PRKCA: variants seen among roughly 807,000 people sequenced by gnomAD.
The protein encoded by PRKCA is protein kinase C alpha, also known as protein kinase C alpha type.
A neutral mutation model predicts 87.0 loss-of-function variants in PRKCA; 27 were observed. That is an observed-to-expected ratio of 0.31 (90% CI 0.23 to 0.43). The LOEUF is 0.43. PRKCA is among the 20% of genes least tolerant of loss of function. The pLI, the probability that PRKCA is intolerant of heterozygous loss-of-function variation, is 1.00. For missense variants in PRKCA, 518 were observed against 852.3 expected, an observed-to-expected ratio of 0.61 and a Z score of 4.88; for synonymous variants, 329 against 311.1, an observed-to-expected ratio of 1.06 and a Z score of -0.61.
At position 66,731,351 on chromosome 17, in the gene PRKCA, G is replaced by GAAAAAAAAA. The variant is rs5821509; in HGVS notation, c.919-1326_919-1318dup. Among the ~76,000 whole-genome samples the GAAAAAAAAA allele has an allele frequency of 4.0e-3, 445 of 112,376 alleles. 10 individuals are homozygous for GAAAAAAAAA. Among genetic ancestry groups the GAAAAAAAAA allele is most frequent in the African/African-American group, 0.015 (411 of 26,536 alleles). 73.7% of individuals were successfully genotyped at this position (112,376 alleles called of 152,430 possible). A position where few individuals can be genotyped will look rare whatever the true frequency, so the allele number is the denominator to read the frequency against. On this transcript the variant is annotated intron_variant, in intron 8 of 16. Transcript: ENST00000413366. ...GCAACAAGAGCAAAACTCCGTCTCA[G>GAAAAAAAAA]AAAAAAAAAAAAAAAAAAAGAATGT... is the stretch of plus-strand genomic sequence containing the variant.
At chr17:66,768,794 G>A (rs1243494350) in intron 13 of PRKCA, among the ~76,000 whole-genome samples, 1 of 152,208 alleles carries the variant, frequency 6.6e-6, no homozygotes, top group African/African-American at 2.4e-5. Context: ...CCCCCAACAG[G>A]TGGGGATTGC....
At chr17:66,561,357 A>G (rs998159037) in intron 3 of PRKCA, among the ~76,000 whole-genome samples, 3 of 152,082 alleles carry the variant, frequency 2.0e-5, no homozygotes, top group African/African-American at 7.2e-5. Flanking sequence ...GCTCGATGCT[A>G]CTCTGCCAAG....
chr17:66,620,380 G>A (rs1257781656), intron 3 of PRKCA, among the ~76,000 whole-genome samples: 2 of 152,134 alleles, frequency 1.3e-5, no homozygotes, highest in African/African-American at 2.4e-5. Context: ...CTCTGGGTAG[G>A]CAGAAGAAAA....
chr17:66,724,221 G>A (rs535775098), intron 8 of PRKCA, among the ~76,000 whole-genome samples: 58 of 152,054 alleles, frequency 3.8e-4, no homozygotes, highest in African/African-American at 1.2e-3. Context: ...GTGTGAACCC[G>A]GGAGGTGGAG....
intron 2 of PRKCA, among the ~76,000 whole-genome samples, chr17:66,374,875 T>A (rs1909333893): frequency 1.3e-5 from 2 of 151,862 alleles, no homozygotes; most frequent in Admixed American, 1.3e-4. Flanking sequence ...CTACAGGCAC[T>A]TGCCACCATG....
chr17:66,334,942 T>TA (rs1191964622), intron 2 of PRKCA, among the ~76,000 whole-genome samples: 1 of 152,232 alleles, frequency 6.6e-6, no homozygotes, highest in Non-Finnish European at 1.5e-5. Context: ...GGAATTCTGA[T>TA]ACATGCTGCA....
chr17:66,673,994 G>T (rs550383361), intron 5 of PRKCA, among the ~76,000 whole-genome samples: 13 of 152,346 alleles, frequency 8.5e-5, no homozygotes, highest in African/African-American at 2.6e-4. Flanking sequence ...TTGTCCAAGA[G>T]TCCCTCCAAA....
chr17:66,801,826 C>T (rs1975906863), intron 16 of PRKCA, among the ~76,000 whole-genome samples: 1 of 152,198 alleles, frequency 6.6e-6, no homozygotes, highest in South Asian at 2.1e-4. Flanking sequence ...CCCTGCCTCT[C>T]ATCCCCTCTG....
At chr17:66,580,341 G>T (rs979109343) in intron 3 of PRKCA, among the ~76,000 whole-genome samples, 1 of 152,208 alleles carries the variant, frequency 6.6e-6, no homozygotes, top group Admixed American at 6.5e-5. Flanking sequence ...ACCTGCTGGT[G>T]CTGCAGCATT....
rs78089662 is a variant in PRKCA at position 66,519,261 on chromosome 17, A to G, written c.288+22978A>G. ...TCACAGGGATTGTTGGAAATTTCCA[A>G]CAACAGTTTAGATGGAAATTGGCTC... On this transcript the variant is annotated intron_variant, in intron 3 of 16. Coordinates refer to ENST00000413366, the MANE Select transcript of PRKCA (RefSeq NM_002737.3). Among the ~76,000 whole-genome samples, 237 of 152,242 alleles carry G rather than the reference A, an allele frequency of 1.6e-3. 5 individuals carry two copies. In the East Asian group the frequency reaches 0.039, roughly 25 times the overall value.
At chr17:66,595,693 C>A (rs775489579) in intron 3 of PRKCA, among the ~76,000 whole-genome samples, 11 of 152,018 alleles carry the variant, frequency 7.2e-5, no homozygotes, top group Admixed American at 2.0e-4. Context: ...AATCTCCTGA[C>A]CTCGTGATCC....
chr17:66,658,913 C>T (rs1971811076), intron 5 of PRKCA, among the ~76,000 whole-genome samples: 1 of 152,180 alleles, frequency 6.6e-6, no homozygotes, highest in Non-Finnish European at 1.5e-5. Context: ...GCCCACCAAG[C>T]AAGACACAGG....
chr17:66,669,301 G>A (rs1487227093), intron 5 of PRKCA, among the ~76,000 whole-genome samples: 1 of 152,136 alleles, frequency 6.6e-6, no homozygotes, highest in Non-Finnish European at 1.5e-5. Context: ...TAAAATCTTT[G>A]TGGTGCAACA....
At chr17:66,726,923 C>T (rs1973766606) in intron 8 of PRKCA, among the ~76,000 whole-genome samples, 2 of 152,128 alleles carry the variant, frequency 1.3e-5, no homozygotes, top group African/African-American at 4.8e-5. Context: ...CGGGGTTTCA[C>T]CATGTTGGCA....
intron 2 of PRKCA, among the ~76,000 whole-genome samples, chr17:66,404,853 A>G (rs1598644108): frequency 1.4e-5 from 2 of 141,740 alleles, no homozygotes; most frequent in African/African-American, 5.2e-5. Context: ...GGGTTCAAGC[A>G]TTTCTCCTGC....
At chr17:66,373,306 C>T (rs574286141) in intron 2 of PRKCA, among the ~76,000 whole-genome samples, 25 of 152,232 alleles carry the variant, frequency 1.6e-4, no homozygotes, top group African/African-American at 4.1e-4. Context: ...TTAATCCTCC[C>T]GTAAACCTGT....
At chr17:66,590,140 G>A (rs1465374975) in intron 3 of PRKCA, among the ~76,000 whole-genome samples, 2 of 152,162 alleles carry the variant, frequency 1.3e-5, no homozygotes, top group Non-Finnish European at 2.9e-5. Context: ...GAGGCAGCAG[G>A]CTCAGGACAT....
At chr17:66,376,027 T>A (rs571776260) in intron 2 of PRKCA, among the ~76,000 whole-genome samples, 37 of 152,366 alleles carry the variant, frequency 2.4e-4, no homozygotes, top group African/African-American at 8.4e-4. Context: ...AGTATATATT[T>A]ATTGACTTCC....
chr17:66,584,291 G>C (rs1448336460), intron 3 of PRKCA, among the ~76,000 whole-genome samples: 3 of 151,894 alleles, frequency 2.0e-5, no homozygotes, highest in African/African-American at 7.3e-5. Flanking sequence ...GCTTGATCTC[G>C]GCTCACTGCA....
Sources: allele counts gnomAD v4.1 joint callset (sites outside exome capture counted in the v4.1 genomes callset), GRCh38; gene constraint gnomAD v4.1.1; transcripts MANE v1.5; gene names NCBI Gene and HGNC (gene_info 2026-07-23, HGNC 2026-07-21).